The following EIF4G3 variants were observed in gnomAD, a reference collection of about 807,000 sequenced individuals.
The protein encoded by EIF4G3 is eIF-4-gamma 3.
EIF4G3 carries 34 observed loss-of-function variants against 186.4 expected under a neutral mutation model. The ratio of observed to expected loss-of-function variants is 0.18; its 90% CI spans 0.14 to 0.24. The LOEUF (loss-of-function observed/expected upper bound fraction) is 0.24, where lower values mean the gene tolerates loss of function less well. Ranked by LOEUF, EIF4G3 falls within the 10% of genes least tolerant of loss-of-function variation. The pLI is 1.00. For missense variants in EIF4G3, 1,536 were observed against 1,948.5 expected (o/e 0.79, Z 3.99); for synonymous variants, 673 against 679.5 (o/e 0.99, Z 0.15).
chr1:20,918,357 G>A (rs559115145), intron 14 of EIF4G3, among the ~76,000 whole-genome samples: 3 of 152,090 alleles, frequency 2.0e-5, no homozygotes, highest in South Asian at 2.1e-4. Context: ...CCACAGTCAC[G>A]CACCAGCACA....
chr1:20,822,957 C>T (rs141795777), intron 33 of EIF4G3, among the ~76,000 whole-genome samples: 172 of 152,212 alleles, frequency 1.1e-3, no homozygotes, highest in Admixed American at 3.7e-3. Flanking sequence ...ACATTTACTG[C>T]TCGTTTCTCA....
chr1:20,848,077 C>T (rs748550893), intron 29 of EIF4G3: 101 of 321,362 alleles, frequency 3.1e-4, no homozygotes, highest in Non-Finnish European at 4.8e-4. Context: ...AGTGATCCTC[C>T]CATCTCAGCC....
At chr1:21,009,928 C>T (rs888871892) in intron 4 of EIF4G3, among the ~76,000 whole-genome samples, 2 of 152,006 alleles carry the variant, frequency 1.3e-5, no homozygotes, top group African/African-American at 4.8e-5. Context: ...GCTGGGATTA[C>T]AGACGTGAGC....
In EIF4G3 at chr1:21,068,375, T is replaced by TAAA. The variant is rs869306512; in HGVS notation, c.-195-17384_-195-17382dup. ...GGGCGACAGAGTGAAACTCTGTCTTTAAAAAAAAAAAAAAAAAAAAAAAAA... is the reference window on the plus strand; with the variant it reads ...GGGCGACAGAGTGAAACTCTGTCTTTAAAAAAAAAAAAAAAAAAAAAAAAAAAA... On this transcript the variant is annotated intron_variant, in intron 3 of 36. Transcript: ENST00000602326. Among the ~76,000 whole-genome samples, 95 of 67,812 alleles carry TAAA rather than the reference T, an allele frequency of 1.4e-3. 3 individuals are homozygous for TAAA. The highest frequency in any genetic ancestry group is 2.9e-3 in the Admixed American group (14 of 4,854). 44.5% of individuals were successfully genotyped at this position (67,812 alleles called of 152,430 possible). A position where few individuals can be genotyped will look rare whatever the true frequency, so the allele number is the denominator to read the frequency against.
intron 12 of EIF4G3, among the ~76,000 whole-genome samples, chr1:20,954,534 C>CAAAAA (rs35942587): frequency 5.3e-4 from 26 of 49,240 alleles, no homozygotes; most frequent in African/African-American, 6.7e-4. Flanking sequence ...GACCCCGTCT[C>CAAAAA]AAAAAAAAAA....
chr1:20,855,892 A>AATAC (rs1448498985), intron 25 of EIF4G3, among the ~76,000 whole-genome samples: 1 of 152,212 alleles, frequency 6.6e-6, no homozygotes, highest in Admixed American at 6.5e-5. Context: ...TTACATACTT[A>AATAC]AAAATATTAA....
chr1:20,848,425 C>T (rs2071972900), intron 29 of EIF4G3, among the ~76,000 whole-genome samples: 1 of 152,190 alleles, frequency 6.6e-6, no homozygotes, highest in Non-Finnish European at 1.5e-5. Flanking sequence ...ATGGATTTCT[C>T]CTAAGACCTA....
At chr1:21,023,256 CTCCCCCT>C (rs2091236524) in intron 4 of EIF4G3, among the ~76,000 whole-genome samples, 1 of 112,418 alleles carries the variant, frequency 8.9e-6, no homozygotes, top group Non-Finnish European at 1.9e-5. Flanking sequence ...CCCTCCCCCC[CTCCCCCT>C]CCCTCTCCCT....
chr1:21,049,332 G>A (rs905163166), intron 4 of EIF4G3, among the ~76,000 whole-genome samples: 4 of 152,102 alleles, frequency 2.6e-5, no homozygotes, highest in Non-Finnish European at 5.9e-5. Flanking sequence ...TAAGGTAAGC[G>A]TTTGCTCTTT....
intron 33 of EIF4G3, among the ~76,000 whole-genome samples, chr1:20,823,387 T>G (rs1384083699): frequency 1.3e-5 from 2 of 152,136 alleles, no homozygotes; most frequent in African/African-American, 4.8e-5. Flanking sequence ...TTTATTTATT[T>G]TATTTTTTAT....
intron 6 of EIF4G3, among the ~76,000 whole-genome samples, chr1:21,000,429 C>T (rs1303926761): frequency 6.6e-6 from 1 of 152,030 alleles, no homozygotes; most frequent in Admixed American, 6.6e-5. Flanking sequence ...GCTTTAGCTG[C>T]TCTACAAAGC....
chr1:21,154,147 C>G (rs1176927332), intron 2 of EIF4G3, among the ~76,000 whole-genome samples: 1 of 152,148 alleles, frequency 6.6e-6, no homozygotes, highest in African/African-American at 2.4e-5. Context: ...CTAAAGATGT[C>G]CTACTGGAAA....
intron 8 of EIF4G3, 25 bp downstream of exon 8, chr1:20,982,363 C>T (rs1160268961): frequency 2.0e-6 from 3 of 1,505,682 alleles, no homozygotes; most frequent in Non-Finnish European, 2.7e-6. Context: ...TATAAAGAGG[C>T]CATGCAGAAC....
chr1:20,906,811 T>TACAC lies in EIF4G3; in HGVS notation c.1664-1844_1664-1841dup, dbSNP rs35477773. Among the ~76,000 whole-genome samples, 1,079 of 149,756 alleles carry TACAC rather than the reference T, an allele frequency of 7.2e-3. 14 individuals are homozygous for TACAC. The highest frequency in any genetic ancestry group is 0.034 in the Admixed American group (515 of 14,974). On this transcript the variant is annotated intron_variant, in intron 14 of 36. Transcript: ENST00000602326. ...CACTTAGTCCTTAAAAAAAACTGGA[T>TACAC]ACACACACACACACACACACAAACA...
At chr1:20,832,277 CCTGA>C (rs1415707208) in intron 30 of EIF4G3, among the ~76,000 whole-genome samples, 2 of 129,730 alleles carry the variant, frequency 1.5e-5, no homozygotes, top group African/African-American at 5.7e-5. Context: ...CCTGTTGTTT[CCTGA>C]CTTTTTAATG....
chr1:21,082,683 A>G (rs1350559763), intron 3 of EIF4G3, among the ~76,000 whole-genome samples: 2 of 152,078 alleles, frequency 1.3e-5, no homozygotes, highest in Admixed American at 1.3e-4. Context: ...GAGAGGATCA[A>G]TTGAAGCCAG....
intron 2 of EIF4G3, among the ~76,000 whole-genome samples, chr1:21,117,339 C>T (rs764543326): frequency 2.6e-5 from 4 of 151,894 alleles, no homozygotes; most frequent in South Asian, 4.2e-4. Context: ...AGATGAGATA[C>T]GGTCACACAC....
intron 13 of EIF4G3, among the ~76,000 whole-genome samples, chr1:20,947,882 G>A (rs1460061858): frequency 6.6e-6 from 1 of 152,146 alleles, no homozygotes; most frequent in Non-Finnish European, 1.5e-5. Context: ...AATCAAGTCT[G>A]CATTCCTTGT....
In EIF4G3 at chr1:20,888,777, A is replaced by G. The variant is rs945580885; in HGVS notation, c.2254-2406T>C. ...AAGGATCAAAAGGAACTTTTAAAAA[A>G]CTGATACATAAATTTAAACATTTCA... On this transcript the variant is annotated intron_variant, in intron 18 of 36. Coordinates refer to ENST00000602326, the MANE Select transcript of EIF4G3 (RefSeq NM_001391906.1). Among the ~76,000 whole-genome samples the G allele has an allele frequency of 7.2e-5, 11 of 152,322 alleles. No homozygotes were observed. In the South Asian group the frequency reaches 2.3e-3, roughly 32 times the overall value.
Sources: allele counts gnomAD v4.1 joint callset (sites outside exome capture counted in the v4.1 genomes callset), GRCh38; gene constraint gnomAD v4.1.1; transcripts MANE v1.5; gene names NCBI Gene and HGNC (gene_info 2026-07-23, HGNC 2026-07-21).